The following RNF216 variants were observed in gnomAD, a reference collection of about 807,000 sequenced individuals.
RNF216 encodes ring finger protein 216.
Under a neutral mutation model 110.8 loss-of-function variants are expected in RNF216, and 72 were observed. The ratio of observed to expected loss-of-function variants is 0.65; its 90% CI spans 0.54 to 0.79. The LOEUF (loss-of-function observed/expected upper bound fraction) is 0.79. Ranked by LOEUF, RNF216 falls within the 30% of genes least tolerant of loss-of-function variation. The probability of loss-of-function intolerance (pLI) is 0.00; values close to 1 mark genes in which losing one functional copy is unlikely to be tolerated. For synonymous variants in RNF216, 495 were observed against 407.5 expected, an observed-to-expected ratio of 1.21 and a Z score of -2.59; for missense variants, 1,342 against 1,141.2, an observed-to-expected ratio of 1.18 and a Z score of -2.54.
chr7:5,757,783 G>A (rs1382463670), intron 2 of RNF216, among the ~76,000 whole-genome samples: 1 of 152,148 alleles, frequency 6.6e-6, no homozygotes, highest in Non-Finnish European at 1.5e-5. Flanking sequence ...GATAGAAAAT[G>A]TTCCATATCA....
intron 7 of RNF216, among the ~76,000 whole-genome samples, chr7:5,726,249 C>T (rs1438495828): frequency 6.6e-6 from 1 of 152,190 alleles, no homozygotes; most frequent in Non-Finnish European, 1.5e-5. Context: ...GCACTCCATC[C>T]TGGGTAACAC....
At chr7:5,647,133 G>C (rs1788097513) in intron 14 of RNF216, among the ~76,000 whole-genome samples, 1 of 151,918 alleles carries the variant, frequency 6.6e-6, no homozygotes, top group Non-Finnish European at 1.5e-5. Flanking sequence ...AAAAAAAAGG[G>C]AAAAAGTTGC....
chr7:5,721,036 T>C lies in RNF216; in HGVS notation c.1641A>G (p.Ala547=). The change falls in exon 9 of 17, where the codon GCA becomes GCG. Residue 547 remains alanine, a synonymous_variant. Coordinates refer to ENST00000389902, the MANE Select transcript of RNF216 (RefSeq NM_207111.4). ...EFYEQKIKEM[A]EHEDFLLALQ... ...AGACCAGAGCACATCTTCCTACCTC[T>C]GCCATCTCTTTGATTTTCTGCTCAT... The C allele has an allele frequency of 6.2e-7, 1 of 1,614,220 alleles. No individual in the cohort carries two copies. Among genetic ancestry groups the C allele is most frequent in the Non-Finnish European group, 8.5e-7 (1 of 1,180,022 alleles).
At chr7:5,671,482 G>A (rs548152606) in intron 13 of RNF216, among the ~76,000 whole-genome samples, 1 of 152,260 alleles carries the variant, frequency 6.6e-6, no homozygotes, top group East Asian at 1.9e-4. Flanking sequence ...GATGGGGTGA[G>A]CGCTATTCCA....
intron 13 of RNF216, among the ~76,000 whole-genome samples, chr7:5,705,013 C>A (rs1792194711): frequency 6.6e-6 from 1 of 152,152 alleles, no homozygotes; most frequent in African/African-American, 2.4e-5. Context: ...AATGAAAAAA[C>A]ATACTTTAAA....
chr7:5,635,397 C>A (rs952919265), intron 15 of RNF216, among the ~76,000 whole-genome samples: 1 of 151,714 alleles, frequency 6.6e-6, no homozygotes, highest in African/African-American at 2.4e-5. Flanking sequence ...TGGGGGCTCA[C>A]TTTACTCTTT....
chr7:5,627,359 G>A (rs535531279), intron 15 of RNF216, among the ~76,000 whole-genome samples: 1 of 152,146 alleles, frequency 6.6e-6, no homozygotes, highest in Non-Finnish European at 1.5e-5. Context: ...TGGCAGCCTT[G>A]GCCCTCCTTG....
chr7:5,748,659 T>C (rs796624036), intron 3 of RNF216, among the ~76,000 whole-genome samples: 270 of 133,914 alleles, frequency 2.0e-3, no homozygotes, highest in African/African-American at 7.4e-3. Context: ...CACACACACA[T>C]AATATACTAA....
chr7:5,639,805 G>C (rs1787622143), intron 15 of RNF216, among the ~76,000 whole-genome samples: 1 of 151,296 alleles, frequency 6.6e-6, no homozygotes, highest in African/African-American at 2.4e-5. Context: ...TGTCGCCCAG[G>C]CTGGAGTGCA....
intron 2 of RNF216, among the ~76,000 whole-genome samples, chr7:5,759,384 A>T (rs897227836): frequency 1.7e-4 from 26 of 152,132 alleles, no homozygotes; most frequent in African/African-American, 6.3e-4. Flanking sequence ...AGCCTACTCA[A>T]TGTGAGGATG....
chr7:5,622,826 G>A lies in RNF216; in HGVS notation c.*34C>T, dbSNP rs1223363022. 3 of 1,554,362 alleles carry A rather than the reference G, an allele frequency of 1.9e-6. No homozygotes were observed. Among genetic ancestry groups the A allele is most frequent in the African/African-American group, 1.3e-5 (1 of 74,280 alleles). On this transcript the variant is annotated 3_prime_UTR_variant, in exon 17 of 17. Coordinates refer to ENST00000389902, the MANE Select transcript of RNF216 (RefSeq NM_207111.4). ...CTCCATCCACACTCCTACCCCAAACGGGCTTTGTGCTGCTCAATGGGGATT... is the reference window on the plus strand; with the variant it reads ...CTCCATCCACACTCCTACCCCAAACAGGCTTTGTGCTGCTCAATGGGGATT...
At chr7:5,763,963 C>T (rs1430495517) in intron 1 of RNF216, among the ~76,000 whole-genome samples, 5 of 152,022 alleles carry the variant, frequency 3.3e-5, no homozygotes, top group South Asian at 2.1e-4. Flanking sequence ...CCGAGGCAGG[C>T]GGATCACTCG....
At chr7:5,730,472 G>C (rs1027670995) in intron 6 of RNF216, among the ~76,000 whole-genome samples, 5 of 152,152 alleles carry the variant, frequency 3.3e-5, no homozygotes, top group Non-Finnish European at 5.9e-5. Context: ...AATTCTTTGT[G>C]GGAAAAGGAA....
At chr7:5,766,384 T>C (rs115478103) in intron 1 of RNF216, among the ~76,000 whole-genome samples, 170 of 152,306 alleles carry the variant, frequency 1.1e-3, no homozygotes, top group African/African-American at 3.3e-3. Flanking sequence ...AATTCCTATA[T>C]TGAAGCTCTG....
intron 9 of RNF216, among the ~76,000 whole-genome samples, chr7:5,720,756 A>C (rs1793369601): frequency 6.6e-6 from 1 of 152,222 alleles, no homozygotes; most frequent in Non-Finnish European, 1.5e-5. Context: ...TATATTTAGA[A>C]AAATTAAAGA....
intron 8 of RNF216, among the ~76,000 whole-genome samples, chr7:5,721,418 C>T (rs1584510581): frequency 6.6e-6 from 1 of 152,218 alleles, no homozygotes; most frequent in African/African-American, 2.4e-5. Context: ...ATCTCCTATC[C>T]TGTCACTAGT....
intron 14 of RNF216, among the ~76,000 whole-genome samples, chr7:5,651,824 C>T (rs895697338): frequency 1.3e-5 from 2 of 151,892 alleles, no homozygotes; most frequent in African/African-American, 4.8e-5. Flanking sequence ...AATTTTTGTA[C>T]TTTTAGTAGA....
At chr7:5,643,109 G>A (rs1002051667) in intron 14 of RNF216, among the ~76,000 whole-genome samples, 1 of 152,134 alleles carries the variant, frequency 6.6e-6, no homozygotes, top group African/African-American at 2.4e-5. Flanking sequence ...AATGGACAGA[G>A]GAATACATAA....
At chr7:5,671,605 C>G (rs1243942332) in intron 13 of RNF216, among the ~76,000 whole-genome samples, 1 of 152,010 alleles carries the variant, frequency 6.6e-6, no homozygotes, top group Non-Finnish European at 1.5e-5. Flanking sequence ...CAGTTCGAGA[C>G]CAGCCTGACC....
Sources: allele counts gnomAD v4.1 joint callset (sites outside exome capture counted in the v4.1 genomes callset), GRCh38; gene constraint gnomAD v4.1.1; transcripts MANE v1.5; gene names NCBI Gene and HGNC (gene_info 2026-07-23, HGNC 2026-07-21).